Variants in DRC2 observed in about 807,000 individuals in gnomAD.
The protein encoded by DRC2 is coiled-coil domain containing 65.
chr12:48,913,917 T>C, the DRC2 span, among the ~76,000 whole-genome samples: 3 of 141,688 alleles, frequency 2.1e-5, no homozygotes, highest in Non-Finnish European at 4.6e-5. Flanking sequence ...TGAGCCACCG[T>C]GCCCAGTCTT....
the DRC2 span, chr12:48,905,080 A>G: frequency 1.9e-6 from 3 of 1,613,376 alleles, no homozygotes; most frequent in Non-Finnish European, 2.5e-6. Flanking sequence ...AAACATTTGA[A>G]CGAGTGGTGG....
the DRC2 span, among the ~76,000 whole-genome samples, chr12:48,908,593 TTA>T: frequency 1.1e-4 from 13 of 122,206 alleles, no homozygotes; most frequent in Non-Finnish European, 1.8e-4. Flanking sequence ...ATTATTATTA[TTA>T]TTATTATTAT....
At chr12:48,919,490 G>C in the DRC2 span, among the ~76,000 whole-genome samples, 153 of 151,694 alleles carry the variant, frequency 1.0e-3, 1 homozygote, top group African/African-American at 3.6e-3. Flanking sequence ...GAGCCACTGC[G>C]TTGAGCTCCC....
the DRC2 span, among the ~76,000 whole-genome samples, chr12:48,916,597 A>AGGGAGAGGGAGACCATG: frequency 6.6e-6 from 1 of 151,732 alleles, no homozygotes; most frequent in Non-Finnish European, 1.5e-5. Flanking sequence ...GTGGAAAGAG[A>AGGGAGAGGGAGACCATG]GGGAGAGGGA....
At chr12:48,918,763 G>A in the DRC2 span, 2 of 1,614,124 alleles carry the variant, frequency 1.2e-6, no homozygotes, top group Admixed American at 3.3e-5. Context: ...TATCCGTAAT[G>A]ACAAGGAATT....
At chr12:48,917,281 C>CG in the DRC2 span, among the ~76,000 whole-genome samples, 4 of 128,886 alleles carry the variant, frequency 3.1e-5, no homozygotes, top group South Asian at 6.3e-4. Context: ...GGAGTCCCCC[C>CG]CATCTCTACC....
the DRC2 span, chr12:48,914,264 AGAGT>A: frequency 1.4e-5 from 12 of 828,358 alleles, no homozygotes; most frequent in Non-Finnish European, 2.2e-5. Flanking sequence ...GCTTTACACA[AGAGT>A]GAGGGGGACA....
the DRC2 span, among the ~76,000 whole-genome samples, chr12:48,913,872 C>T: frequency 6.6e-6 from 1 of 151,862 alleles, no homozygotes; most frequent in African/African-American, 2.4e-5. Flanking sequence ...ATGATCTGCC[C>T]ACCTTGGCCT....
the DRC2 span, chr12:48,914,512 CTCCTGGAGGAAAGTTA>C: frequency 6.2e-7 from 1 of 1,614,172 alleles, no homozygotes; most frequent in Non-Finnish European, 8.5e-7. Context: ...CCGGCTCAGT[CTCCTGGAGGAAAGTTA>C]CAACATGGAG....
the DRC2 span, chr12:48,914,597 G>T: frequency 6.2e-7 from 1 of 1,610,242 alleles, no homozygotes; most frequent in Non-Finnish European, 8.5e-7. Flanking sequence ...AGAGAAGATG[G>T]GGAATTGAAT....
At chr12:48,919,922 A>G in the DRC2 span, among the ~76,000 whole-genome samples, 1 of 150,954 alleles carries the variant, frequency 6.6e-6, no homozygotes, top group Admixed American at 6.6e-5. Flanking sequence ...AGAGTTTGAG[A>G]CCACCCTGAG....
At chr12:48,920,441 T>TTTAAAAAAAAAAAA in the DRC2 span, among the ~76,000 whole-genome samples, 57 of 67,798 alleles carry the variant, frequency 8.4e-4, 1 homozygote, top group Middle Eastern at 0.019. Context: ...AACTCCATCT[T>TTTAAAAAAAAAAAA]AAAAAAAAAA....
chr12:48,904,202 A>G, the DRC2 span: 1 of 1,201,000 alleles, frequency 8.3e-7, no homozygotes, highest in Non-Finnish European at 1.2e-6. Context: ...GAGGGCTGAG[A>G]TCTCCGGTCC....
the DRC2 span, among the ~76,000 whole-genome samples, chr12:48,906,669 G>A: frequency 6.6e-6 from 1 of 151,926 alleles, no homozygotes; most frequent in African/African-American, 2.4e-5. Flanking sequence ...GGGTTCAAGC[G>A]ATTCTCCTGC....
the DRC2 span, among the ~76,000 whole-genome samples, chr12:48,909,037 C>CTTTTTTT: frequency 1.9e-3 from 157 of 82,306 alleles, 2 homozygotes; most frequent in East Asian, 2.3e-3. Context: ...TTTTCTTTCT[C>CTTTTTTT]TTTTTTTTTT....
the DRC2 span, among the ~76,000 whole-genome samples, chr12:48,908,847 T>C: frequency 1.3e-5 from 2 of 151,590 alleles, no homozygotes; most frequent in African/African-American, 4.8e-5. Flanking sequence ...GTGATCCACC[T>C]GCCTCGGCCT....
At chr12:48,904,586 G>A in the DRC2 span, 11 of 1,366,044 alleles carry the variant, frequency 8.1e-6, no homozygotes, top group East Asian at 2.4e-4. Context: ...CTGAGACCCA[G>A]ATATACTTAG....
chr12:48,917,450 C>T, the DRC2 span, among the ~76,000 whole-genome samples: 20 of 151,266 alleles, frequency 1.3e-4, no homozygotes, highest in East Asian at 5.8e-4. Flanking sequence ...GGTGACAGAG[C>T]GAGACCCTGT....
chr12:48,913,483 ATTATTTAT>A, the DRC2 span, among the ~76,000 whole-genome samples: 2 of 148,566 alleles, frequency 1.3e-5, no homozygotes, highest in Admixed American at 6.7e-5. Flanking sequence ...TTGTATTTTT[ATTATTTAT>A]TTATTTATTT....
Sources: allele counts gnomAD v4.1 joint callset (sites outside exome capture counted in the v4.1 genomes callset), GRCh38; gene constraint gnomAD v4.1.1; transcripts MANE v1.5; gene names NCBI Gene and HGNC (gene_info 2026-07-23, HGNC 2026-07-21).